LONP2: variants seen among roughly 807,000 people sequenced by gnomAD.
The protein encoded by LONP2 is lon peptidase 2, peroxisomal, also known as lon protease homolog 2, peroxisomal.
LONP2 carries 60 observed loss-of-function variants against 85.6 expected under a neutral mutation model. That is an observed-to-expected ratio of 0.70 (90% confidence interval 0.57 to 0.87). The LOEUF (loss-of-function observed/expected upper bound fraction) is 0.87, where lower values mean the gene tolerates loss of function less well. LONP2 is among the 40% of genes least tolerant of loss of function. The pLI is 0.00. For missense variants in LONP2, 860 were observed against 1,063.5 expected (o/e 0.81, Z 2.66); for synonymous variants, 395 against 389.7 (o/e 1.01, Z -0.16).
At chr16:48,347,439 A>G in intron 12 of LONP2, 68 bp from the exon 13 acceptor site, 1 of 1,492,330 alleles carries the variant, frequency 6.7e-7, no homozygotes, top group South Asian at 1.1e-5. Flanking sequence ...CGACTCTTGC[A>G]GGATTGTGTG....
chr16:48,334,754 T>C, intron 12 of LONP2: 2 of 550,510 alleles, frequency 3.6e-6, no homozygotes, highest in Non-Finnish European at 7.3e-6. Flanking sequence ...TAAGATGCCC[T>C]ACCTGTCTTG....
chr16:48,320,701 A>G (rs1218775298), intron 11 of LONP2, among the ~76,000 whole-genome samples: 2 of 152,136 alleles, frequency 1.3e-5, no homozygotes, highest in Non-Finnish European at 2.9e-5. Flanking sequence ...TATACTAAAT[A>G]TTATTTTCTG....
chr16:48,331,030 T>TA (rs1411572533), intron 11 of LONP2, among the ~76,000 whole-genome samples: 1 of 152,114 alleles, frequency 6.6e-6, no homozygotes, highest in African/African-American at 2.4e-5. Flanking sequence ...GATCGTGAAA[T>TA]ACAAGCTGGC....
intron 9 of LONP2, 75 bp from the exon 10 acceptor site, chr16:48,299,587 A>AAAAAAAC (rs1331085398): frequency 6.5e-7 from 1 of 1,534,366 alleles, no homozygotes; most frequent in South Asian, 1.3e-5. Flanking sequence ...GTCTCTAAAA[A>AAAAAAAC]AAAAAACAAA....
At chr16:48,267,697 C>A (rs1295349115) in intron 6 of LONP2, among the ~76,000 whole-genome samples, 1 of 152,110 alleles carries the variant, frequency 6.6e-6, no homozygotes, top group Non-Finnish European at 1.5e-5. Context: ...CTCACTGCAA[C>A]CCCTGCCTCC....
intron 11 of LONP2, among the ~76,000 whole-genome samples, chr16:48,324,003 C>T: frequency 6.6e-6 from 1 of 152,222 alleles, no homozygotes; most frequent in East Asian, 1.9e-4. Flanking sequence ...CACAATTCCT[C>T]TGGCTGGGAA....
intron 5 of LONP2, 50 bp downstream of exon 5, chr16:48,261,637 C>A: frequency 1.5e-6 from 2 of 1,308,676 alleles, no homozygotes; most frequent in Non-Finnish European, 1.0e-6. Context: ...CTTGGTACTC[C>A]TGATTAACAC....
In LONP2 at chr16:48,351,580, G is replaced by C. The variant is rs758908528; in HGVS notation, c.2338-1G>C. On this transcript the variant is annotated splice_acceptor_variant, in intron 14 of 14. Coordinates refer to ENST00000285737, the MANE Select transcript of LONP2 (RefSeq NM_031490.5). LOFTEE classifies it high-confidence loss of function. ...CTAAAAACTTTTTTCTCTCCTTACA[G>C]GTGGGTGGAATTAAAGACAAAGTGC... 5 of 1,613,600 alleles carry C rather than the reference G, an allele frequency of 3.1e-6. No homozygotes were observed. The Admixed American group carries it at 6.7e-5, about 22-fold the overall frequency.
At chr16:48,328,236 C>G (rs923250289) in intron 11 of LONP2, among the ~76,000 whole-genome samples, 2 of 152,090 alleles carry the variant, frequency 1.3e-5, no homozygotes, top group East Asian at 3.9e-4. Flanking sequence ...ATAGTGAAAC[C>G]CCGTCTCTAC....
At position 48,334,213 on chromosome 16, in the gene LONP2, TAGG is replaced by T. The variant is rs1596994393; in HGVS notation, c.1796-2_1796del. 6.2e-7 allele frequency: 1 copy of T among 1,611,538 alleles called. No homozygotes were observed. Among genetic ancestry groups the T allele is most frequent in the Non-Finnish European group, 8.5e-7 (1 of 1,179,118 alleles). On this transcript the variant is annotated splice_acceptor_variant and coding_sequence_variant, in exon 12 of 15. Coordinates refer to ENST00000285737, the MANE Select transcript of LONP2 (RefSeq NM_031490.5). LOFTEE classifies it high-confidence loss of function. ...CTTCTAAATACATTTTTTTTTCTTT[TAGG>T]TTGCAGAGAACACATCTTAGAAGAT...
chr16:48,353,012 C>CTT lies in LONP2; in HGVS notation c.*1214_*1215dup, dbSNP rs1231282192. 2 of 152,194 alleles carry CTT rather than the reference C, an allele frequency of 1.3e-5. No individual in the cohort carries two copies. The highest frequency in any genetic ancestry group is 4.8e-5 in the African/African-American group (2 of 41,448). The allele number at this position is 152,194 out of a possible 1,614,324, so 9.4% of individuals were successfully genotyped here. ...CTCATCTGCTTACTGGCTGTGTGAACTTTTTGTATCTTGGTTTTCTTCATC... is the reference window on the plus strand; with the variant it reads ...CTCATCTGCTTACTGGCTGTGTGAACTTTTTTTGTATCTTGGTTTTCTTCATC... On this transcript the variant is annotated 3_prime_UTR_variant, in exon 15 of 15. Transcript: ENST00000285737.
intron 11 of LONP2, among the ~76,000 whole-genome samples, chr16:48,318,322 C>T (rs1013646257): frequency 6.6e-6 from 1 of 151,972 alleles, no homozygotes; most frequent in Non-Finnish European, 1.5e-5. Context: ...AGTTTGAGAC[C>T]AGCCTGGCCA....
At chr16:48,302,995 T>G (rs1181157849) in intron 10 of LONP2, among the ~76,000 whole-genome samples, 177 bp from the exon 11 acceptor site, 6 of 152,152 alleles carry the variant, frequency 3.9e-5, no homozygotes, top group Non-Finnish European at 7.4e-5. Flanking sequence ...TGAAAATAGA[T>G]CAAAGTATTG....
chr16:48,246,044 G>T (rs9931267), intron 1 of LONP2, among the ~76,000 whole-genome samples: 1 of 152,060 alleles, frequency 6.6e-6, no homozygotes, highest in East Asian at 1.9e-4. Context: ...AAAATCTTGT[G>T]ACTATGTACA....
At chr16:48,334,901 G>A (rs1388143266) in intron 12 of LONP2, 1 of 400,010 alleles carries the variant, frequency 2.5e-6, no homozygotes, top group South Asian at 2.0e-5. Context: ...TCATTTTTTT[G>A]TTGGTACTCA....
intron 4 of LONP2, among the ~76,000 whole-genome samples, chr16:48,259,711 T>C (rs1268575144): frequency 1.3e-5 from 2 of 152,094 alleles, no homozygotes; most frequent in Admixed American, 1.3e-4. Flanking sequence ...AGGAGAGAGA[T>C]AGGAACAGTG....
intron 6 of LONP2, among the ~76,000 whole-genome samples, chr16:48,267,654 C>T (rs1441981152): frequency 5.9e-5 from 9 of 152,154 alleles, no homozygotes; most frequent in East Asian, 5.8e-4. Context: ...CTTGCCCTGT[C>T]GGCCAGGCTG....
At chr16:48,293,785 CAG>C (rs1436428038) in intron 8 of LONP2, among the ~76,000 whole-genome samples, 1 of 152,104 alleles carries the variant, frequency 6.6e-6, no homozygotes, top group Non-Finnish European at 1.5e-5. Context: ...TTTACAAAGA[CAG>C]AGGGAAGGCT....
intron 1 of LONP2, among the ~76,000 whole-genome samples, chr16:48,250,664 A>ACCT (rs1971621151): frequency 6.6e-6 from 1 of 152,086 alleles, no homozygotes; most frequent in South Asian, 2.1e-4. Flanking sequence ...TTGTCTGTGG[A>ACCT]TGTTTTATAT....
Sources: allele counts gnomAD v4.1 joint callset (sites outside exome capture counted in the v4.1 genomes callset), GRCh38; gene constraint gnomAD v4.1.1; transcripts MANE v1.5; gene names NCBI Gene and HGNC (gene_info 2026-07-23, HGNC 2026-07-21).